The following NSMCE2 variants were observed in gnomAD, a reference collection of about 807,000 sequenced individuals.
NSMCE2 encodes NSE2 SUMO ligase component of SMC5/6 complex.
Under a neutral mutation model 23.8 loss-of-function variants are expected in NSMCE2, and 24 were observed. The observed-to-expected ratio is 1.01, with a 90% CI of 0.73 to 1.42. The LOEUF is 1.42. Ranked by LOEUF, NSMCE2 falls within the 40% of genes most tolerant of loss-of-function variation. The probability of loss-of-function intolerance (pLI) is 0.00; values close to 1 mark genes in which losing one functional copy is unlikely to be tolerated. For missense variants in NSMCE2, 284 were observed against 296.5 expected (o/e 0.96, Z 0.31); for synonymous variants, 92 against 94.1 (o/e 0.98, Z 0.13).
intron 5 of NSMCE2, among the ~76,000 whole-genome samples, chr8:125,345,987 C>G (rs1830418811): frequency 6.6e-6 from 1 of 152,188 alleles, no homozygotes; most frequent in South Asian, 2.1e-4. Flanking sequence ...AAAACCCCGT[C>G]TCTACTAAAA....
At chr8:125,233,595 C>T (rs1016576821) in intron 5 of NSMCE2, among the ~76,000 whole-genome samples, 15 of 151,748 alleles carry the variant, frequency 9.9e-5, no homozygotes, top group Non-Finnish European at 1.6e-4. Context: ...AATTTTTTTC[C>T]GAAATGAAAT....
intron 3 of NSMCE2, among the ~76,000 whole-genome samples, chr8:125,142,499 A>G (rs1266162803): frequency 6.6e-6 from 1 of 152,176 alleles, no homozygotes; most frequent in African/African-American, 2.4e-5. Flanking sequence ...GATTTCTCCC[A>G]TATTCACTGT....
chr8:125,357,877 C>T (rs868656201), intron 7 of NSMCE2, 59 bp downstream of exon 7: 11 of 1,167,258 alleles, frequency 9.4e-6, no homozygotes, highest in Middle Eastern at 2.0e-4. Flanking sequence ...TCAGAGGTGG[C>T]GTGTTCACGC....
intron 5 of NSMCE2, among the ~76,000 whole-genome samples, chr8:125,216,634 C>CAA (rs35656783): frequency 0.011 from 1,420 of 130,598 alleles, 27 homozygotes; most frequent in African/African-American, 0.035. Flanking sequence ...GGCTGTGTGT[C>CAA]AAAAAAAAAA....
intron 3 of NSMCE2, among the ~76,000 whole-genome samples, chr8:125,115,491 C>A (rs1333613615): frequency 1.3e-5 from 2 of 152,226 alleles, no homozygotes; most frequent in Non-Finnish European, 2.9e-5. Flanking sequence ...TGGCTCACGC[C>A]TGTAATCCCA....
intron 5 of NSMCE2, among the ~76,000 whole-genome samples, chr8:125,253,310 C>T (rs1165218223): frequency 6.6e-6 from 1 of 152,190 alleles, no homozygotes; most frequent in East Asian, 1.9e-4. Flanking sequence ...GTGCTCAGCT[C>T]AAAGCCTTGA....
intron 5 of NSMCE2, among the ~76,000 whole-genome samples, chr8:125,222,967 TG>T (rs1824933632): frequency 6.6e-6 from 1 of 151,776 alleles, no homozygotes; most frequent in African/African-American, 2.4e-5. Flanking sequence ...GAGGCTGAGG[TG>T]GGAGGATCGT....
chr8:125,338,027 G>T (rs936721821), intron 5 of NSMCE2, among the ~76,000 whole-genome samples: 2 of 152,080 alleles, frequency 1.3e-5, no homozygotes, highest in African/African-American at 4.8e-5. Context: ...AAAGGATAAA[G>T]CATTTAAAGC....
chr8:125,366,849 G>A lies in NSMCE2; in HGVS notation c.708G>A (p.Glu236=). 6.2e-7 allele frequency: 1 copy of A among 1,612,254 alleles called. No individual in the cohort carries two copies. The highest frequency in any genetic ancestry group is 8.5e-7 in the Non-Finnish European group (1 of 1,178,348). The change falls in exon 8 of 8, where the codon GAG becomes GAA. Residue 236 remains glutamate (E), a synonymous_variant. Transcript: ENST00000287437. ...IQDEALRRAI[E]NHNKKRHRHS... Reference sequence around the variant, plus strand: ...ATGAAGCACTTAGAAGGGCAATTGAGAACCATAACAAGAAAAGACATCGTC... The same window carrying A: ...ATGAAGCACTTAGAAGGGCAATTGAAAACCATAACAAGAAAAGACATCGTC...
At chr8:125,262,640 A>G (rs1243966809) in intron 5 of NSMCE2, among the ~76,000 whole-genome samples, 1 of 152,194 alleles carries the variant, frequency 6.6e-6, no homozygotes, top group African/African-American at 2.4e-5. Context: ...TTGGAGCTCA[A>G]TGCTTTTAGC....
In NSMCE2 at chr8:125,153,021, C is replaced by G. The variant is rs183712852; in HGVS notation, c.264+1744C>G. ...GCAGTGAGCTGAGATCACGCCAGTG[C>G]ACTCCAGCCTGGGCGACAGAGCGAG... On this transcript the variant is annotated intron_variant, in intron 4 of 7. Coordinates refer to ENST00000287437, the MANE Select transcript of NSMCE2 (RefSeq NM_173685.4). Among the ~76,000 whole-genome samples, 37 of 140,296 alleles carry G rather than the reference C, an allele frequency of 2.6e-4. No individual in the cohort carries two copies. In the East Asian group the frequency reaches 7.4e-3, roughly 28 times the overall value. 92.0% of individuals were successfully genotyped at this position (140,296 alleles called of 152,430 possible).
intron 5 of NSMCE2, among the ~76,000 whole-genome samples, chr8:125,254,409 C>A (rs182468995): frequency 1.3e-5 from 2 of 152,184 alleles, no homozygotes; most frequent in Admixed American, 1.3e-4. Flanking sequence ...AAATAGTGTC[C>A]CCTTTTACAA....
At chr8:125,366,700 T>G in intron 7 of NSMCE2, 68 bp from the exon 8 acceptor site, 1 of 868,308 alleles carries the variant, frequency 1.2e-6, no homozygotes, top group South Asian at 1.4e-5. Flanking sequence ...CTTAAACACT[T>G]GAGTATAAAA....
In NSMCE2 at chr8:125,151,233, C is replaced by T; in HGVS notation, c.220C>T (p.Gln74Ter). 1 of 1,606,608 alleles carries T rather than the reference C, an allele frequency of 6.2e-7. No individual in the cohort carries two copies. Among genetic ancestry groups the T allele is most frequent in the Non-Finnish European group, 8.5e-7 (1 of 1,173,836 alleles). Residue 74 changes from glutamine (Q) to a stop codon, truncating the protein, a stop_gained, in exon 4 of 8, where the codon CAA becomes TAA. Coordinates refer to ENST00000287437, the MANE Select transcript of NSMCE2 (RefSeq NM_173685.4). LOFTEE classifies it high-confidence loss of function. ...GGTTGAATTTGCTACATTGGATCGG[C>T]AACTAAACCATTATGTAAAGGCTGT... ...AMVEFATLDR[Q>*]LNHYVKAVQS... is the part of the protein sequence containing the mutation.
intron 5 of NSMCE2, among the ~76,000 whole-genome samples, chr8:125,325,660 T>A (rs112847332): frequency 6.6e-6 from 1 of 152,142 alleles, no homozygotes; most frequent in Non-Finnish European, 1.5e-5. Context: ...GCAGCTATTT[T>A]TAAAAATGAA....
At chr8:125,189,381 T>C (rs1488983043) in intron 5 of NSMCE2, among the ~76,000 whole-genome samples, 3 of 152,178 alleles carry the variant, frequency 2.0e-5, no homozygotes, top group Admixed American at 6.5e-5. Context: ...CTTTCCTAAA[T>C]AGGTAAGTGC....
intron 5 of NSMCE2, among the ~76,000 whole-genome samples, chr8:125,227,864 T>G (rs796317192): frequency 6.6e-6 from 1 of 152,334 alleles, no homozygotes; most frequent in African/African-American, 2.4e-5. Context: ...GAGATCAGTT[T>G]AGTGTCATTT....
chr8:125,175,396 G>T (rs1822435681), intron 4 of NSMCE2, among the ~76,000 whole-genome samples: 1 of 152,144 alleles, frequency 6.6e-6, no homozygotes, highest in Non-Finnish European at 1.5e-5. Flanking sequence ...GGAATAAAAA[G>T]TTGGCATACT....
intron 3 of NSMCE2, among the ~76,000 whole-genome samples, chr8:125,147,387 G>C (rs956502219): frequency 1.3e-5 from 2 of 152,124 alleles, no homozygotes; most frequent in African/African-American, 4.8e-5. Context: ...TTCTTTGTTG[G>C]ATCCTAAGAA....
Sources: gnomAD v4.1 joint callset for allele counts (sites outside exome capture counted in the v4.1 genomes callset) on GRCh38, gnomAD v4.1.1 for gene constraint, MANE v1.5 for transcripts, NCBI Gene and HGNC (gene_info 2026-07-23, HGNC 2026-07-21) for gene names.